The following SORCS3 variants were observed in gnomAD, a reference collection of about 807,000 sequenced individuals.
SORCS3 encodes VPS10 domain-containing receptor SorCS3.
In SORCS3, 57 loss-of-function variants were observed where a neutral mutation model predicts 146.3. That is an observed-to-expected ratio of 0.39 (90% CI 0.31 to 0.49). The LOEUF (loss-of-function observed/expected upper bound fraction) is 0.49, where lower values mean the gene tolerates loss of function less well. Among genes scored for constraint, SORCS3 ranks in the 20% least tolerant of loss-of-function variants. SORCS3 has a pLI of 0.92. For synonymous variants in SORCS3, 653 were observed against 618.5 expected (o/e 1.06, Z -0.83); for missense variants, 1,341 against 1,575.5 (o/e 0.85, Z 2.52).
chr10:105,176,363 G>A (rs1282555242), intron 13 of SORCS3, among the ~76,000 whole-genome samples: 1 of 151,332 alleles, frequency 6.6e-6, no homozygotes, highest in Non-Finnish European at 1.5e-5. Flanking sequence ...GGGCAATAAA[G>A]CAACACCCCA....
At chr10:104,949,291 G>A (rs536465013) in intron 3 of SORCS3, among the ~76,000 whole-genome samples, 1 of 152,286 alleles carries the variant, frequency 6.6e-6, no homozygotes, top group Admixed American at 6.5e-5. Flanking sequence ...AGTGGTGGAA[G>A]GAACTTTTGC....
At chr10:105,061,251 T>C (rs1180811233) in intron 5 of SORCS3, among the ~76,000 whole-genome samples, 2 of 151,678 alleles carry the variant, frequency 1.3e-5, no homozygotes, top group Non-Finnish European at 2.9e-5. Flanking sequence ...GTGTTTGTTT[T>C]GTGGGGGTGA....
intron 16 of SORCS3, among the ~76,000 whole-genome samples, chr10:105,209,243 G>A (rs2056620567): frequency 6.6e-6 from 1 of 152,042 alleles, no homozygotes; most frequent in Non-Finnish European, 1.5e-5. Context: ...CTGGGTTCAA[G>A]CGATTCTCCT....
intron 1 of SORCS3, among the ~76,000 whole-genome samples, chr10:104,748,381 T>C (rs1335345903): frequency 6.6e-6 from 1 of 152,200 alleles, no homozygotes; most frequent in Non-Finnish European, 1.5e-5. Flanking sequence ...TCCATTATTA[T>C]CAGTATATCA....
chr10:105,059,527 T>C (rs73342217), intron 5 of SORCS3, among the ~76,000 whole-genome samples: 8,980 of 152,282 alleles, frequency 0.059, 289 homozygotes, highest in Middle Eastern at 0.088. Flanking sequence ...TTTGAGTCCC[T>C]ACTCTTTGAA....
At chr10:105,179,939 C>G (rs570848753) in intron 14 of SORCS3, among the ~76,000 whole-genome samples, 44 of 152,272 alleles carry the variant, frequency 2.9e-4, no homozygotes, top group Non-Finnish European at 3.1e-4. Context: ...GTATCCTTCC[C>G]CTTACTGTTA....
chr10:105,223,337 G>A (rs899010417), intron 20 of SORCS3, 88 bp downstream of exon 20: 1 of 1,329,068 alleles, frequency 7.5e-7, no homozygotes, highest in Non-Finnish European at 1.0e-6. Flanking sequence ...GGGGCACTGA[G>A]AATGCAGGCA....
chr10:105,036,299 G>T (rs2055305586), intron 4 of SORCS3, among the ~76,000 whole-genome samples: 1 of 152,016 alleles, frequency 6.6e-6, no homozygotes, highest in Non-Finnish European at 1.5e-5. Flanking sequence ...AGTTCTCAGT[G>T]GTCTTCTACC....
At chr10:104,792,711 C>T (rs2017508965) in intron 1 of SORCS3, among the ~76,000 whole-genome samples, 1 of 152,174 alleles carries the variant, frequency 6.6e-6, no homozygotes, top group Non-Finnish European at 1.5e-5. Flanking sequence ...AAAGAAGCCT[C>T]TTTCATAAAA....
chr10:105,249,569 G>T (rs761790290), intron 22 of SORCS3, among the ~76,000 whole-genome samples: 3 of 152,288 alleles, frequency 2.0e-5, no homozygotes, highest in Middle Eastern at 3.4e-3. Flanking sequence ...TTTTTACAAA[G>T]AGACTATTCA....
intron 3 of SORCS3, among the ~76,000 whole-genome samples, chr10:104,927,950 T>C (rs2019166042): frequency 6.6e-6 from 1 of 151,786 alleles, no homozygotes; most frequent in South Asian, 2.1e-4. Context: ...AAGAAGGATG[T>C]CATGCTGTGG....
In SORCS3 at chr10:104,808,933, T is replaced by A. The variant is rs554756098; in HGVS notation, c.628-33859T>A. Among the ~76,000 whole-genome samples the A allele has an allele frequency of 2.6e-5, 4 of 152,264 alleles. No homozygotes were observed. The South Asian group carries it at 8.3e-4, about 32-fold the overall frequency. On this transcript the variant is annotated intron_variant, in intron 1 of 26. Coordinates refer to ENST00000369701, the MANE Select transcript of SORCS3 (RefSeq NM_014978.3). Reference sequence around the variant, plus strand: ...GTGATAGAAATAGAAGTAAATGGATTTGAGAAATATTTCGACGGCAAAATC... The same window carrying A: ...GTGATAGAAATAGAAGTAAATGGATATGAGAAATATTTCGACGGCAAAATC...
intron 8 of SORCS3, among the ~76,000 whole-genome samples, chr10:105,143,744 A>C (rs1488888853): frequency 1.3e-5 from 2 of 152,190 alleles, no homozygotes; most frequent in Non-Finnish European, 2.9e-5. Flanking sequence ...TGAGTGCTAT[A>C]AAGGAAAAGA....
At chr10:104,753,227 C>A (rs527246111) in intron 1 of SORCS3, among the ~76,000 whole-genome samples, 15 of 152,310 alleles carry the variant, frequency 9.8e-5, no homozygotes, top group African/African-American at 3.6e-4. Flanking sequence ...AGGTTTAGGG[C>A]ACCTTCTAAT....
chr10:104,894,472 T>G (rs1183070208), intron 2 of SORCS3, among the ~76,000 whole-genome samples: 6 of 152,208 alleles, frequency 3.9e-5, no homozygotes, highest in Non-Finnish European at 7.3e-5. Context: ...TTAGCTGTGC[T>G]TTAGCAAGGC....
intron 16 of SORCS3, among the ~76,000 whole-genome samples, chr10:105,205,305 A>G (rs2056596190): frequency 6.6e-6 from 1 of 152,216 alleles, no homozygotes; most frequent in Non-Finnish European, 1.5e-5. Flanking sequence ...GCAAGAAAAG[A>G]GGAGGTTTTC....
chr10:105,181,319 A>C (rs2056441320), intron 14 of SORCS3, among the ~76,000 whole-genome samples: 1 of 152,206 alleles, frequency 6.6e-6, no homozygotes, highest in African/African-American at 2.4e-5. Flanking sequence ...AGAATGCAGT[A>C]GGTGCAAATC....
chr10:104,718,707 T>G (rs1156405145), intron 1 of SORCS3, among the ~76,000 whole-genome samples: 2 of 152,164 alleles, frequency 1.3e-5, no homozygotes, highest in African/African-American at 4.8e-5. Flanking sequence ...AGTGTGAGAA[T>G]TTCAGTAAAG....
chr10:105,093,762 T>A (rs2055726130), intron 6 of SORCS3, among the ~76,000 whole-genome samples: 2 of 152,120 alleles, frequency 1.3e-5, no homozygotes, highest in South Asian at 4.1e-4. Flanking sequence ...AGTAAAGCAA[T>A]AGAACTCTCA....
Sources: allele counts gnomAD v4.1 joint callset (sites outside exome capture counted in the v4.1 genomes callset), GRCh38; gene constraint gnomAD v4.1.1; transcripts MANE v1.5; gene names NCBI Gene and HGNC (gene_info 2026-07-23, HGNC 2026-07-21).